SAMD13: variants seen among roughly 807,000 people sequenced by gnomAD.
SAMD13 encodes the protein sterile alpha motif domain-containing protein 13.
Under a neutral mutation model 12.4 loss-of-function variants are expected in SAMD13, and 9 were observed. The ratio of observed to expected loss-of-function variants is 0.72; its 90% CI spans 0.44 to 1.26. The LOEUF (loss-of-function observed/expected upper bound fraction) is 1.26, where lower values mean the gene tolerates loss of function less well. Ranked by LOEUF, SAMD13 falls within the 50% of genes most tolerant of loss-of-function variation. SAMD13 has a pLI of 0.00. For missense variants in SAMD13, 84 were observed against 119.6 expected (o/e 0.70, Z 1.39); for synonymous variants, 46 against 45.4 (o/e 1.01, Z -0.05).
chr1:84,303,875 A>G (rs1678503679), intron 2 of SAMD13: 1 of 152,258 alleles, frequency 6.6e-6, no homozygotes, highest in East Asian at 1.9e-4. Context: ...ATTATTTTAA[A>G]TGGGAAAATT....
intron 3 of SAMD13, among the ~76,000 whole-genome samples, chr1:84,338,702 T>G (rs1679356205): frequency 6.6e-6 from 1 of 152,104 alleles, no homozygotes; most frequent in Non-Finnish European, 1.5e-5. Context: ...CCTCCCAAAG[T>G]GCTGGGATTA....
intron 2 of SAMD13, among the ~76,000 whole-genome samples, chr1:84,314,137 C>T (rs1331723704): frequency 6.6e-6 from 1 of 152,028 alleles, no homozygotes; most frequent in Non-Finnish European, 1.5e-5. Flanking sequence ...TTGTATAAAA[C>T]ATTGTAGAAA....
intron 2 of SAMD13, 94 bp from the exon 3 acceptor site, chr1:84,325,543 C>A: frequency 1.4e-6 from 1 of 732,042 alleles, no homozygotes; most frequent in South Asian, 1.6e-5. Context: ...ACCCAAAAAA[C>A]ATGAAAGGCC....
intron 3 of SAMD13, among the ~76,000 whole-genome samples, chr1:84,345,891 A>T (rs906241624): frequency 2.6e-5 from 4 of 152,152 alleles, no homozygotes; most frequent in Non-Finnish European, 5.9e-5. Context: ...TTTTTTAGAG[A>T]TAGGGTCTCA....
chr1:84,320,483 T>G (rs1190057236), intron 2 of SAMD13, among the ~76,000 whole-genome samples: 1 of 152,232 alleles, frequency 6.6e-6, no homozygotes, highest in Non-Finnish European at 1.5e-5. Flanking sequence ...GGCCTGCCAT[T>G]TAGCCAGATC....
upstream of SAMD13, among the ~76,000 whole-genome samples, chr1:84,300,001 A>G (rs1169327013): frequency 6.6e-6 from 1 of 152,158 alleles, no homozygotes; most frequent in Non-Finnish European, 1.5e-5. Context: ...TTCCCCGTCA[A>G]GAGTGGAGAG....
chr1:84,348,050 G>C (rs1328544089), intron 3 of SAMD13, among the ~76,000 whole-genome samples: 3 of 152,164 alleles, frequency 2.0e-5, no homozygotes, highest in Non-Finnish European at 4.4e-5. Flanking sequence ...GTAATTCCTT[G>C]TTCTGCTCTG....
Position 84,321,485 on chromosome 1 carries a change from G to A in SAMD13, c.54-4152G>A, listed in dbSNP as rs1021400030. 4.6e-5 allele frequency among the ~76,000 whole-genome samples: 7 copies of A among 151,896 alleles called. No homozygotes were observed. In the East Asian group the frequency reaches 1.3e-3, roughly 29 times the overall value. ...GTGAATAATAAATATCAAATGAAAG[G>A]GGCACTTTTGTATTTGCCATTTCAT... is the stretch of plus-strand genomic sequence containing the variant. On this transcript the variant is annotated intron_variant, in intron 2 of 3. Transcript: ENST00000394834.
intron 3 of SAMD13, chr1:84,345,054 G>C: frequency 2.2e-6 from 1 of 456,656 alleles, no homozygotes; most frequent in Non-Finnish European, 4.4e-6. Flanking sequence ...ATTGGACACA[G>C]GATTTTCCAC....
intron 3 of SAMD13, among the ~76,000 whole-genome samples, chr1:84,337,332 C>T (rs1679321672): frequency 6.6e-6 from 1 of 152,222 alleles, no homozygotes; most frequent in Admixed American, 6.5e-5. Context: ...AAACTTCTGC[C>T]TGGACATCCA....
At chr1:84,333,190 G>T (rs1292390172) in intron 3 of SAMD13, among the ~76,000 whole-genome samples, 3 of 152,068 alleles carry the variant, frequency 2.0e-5, no homozygotes, top group Non-Finnish European at 2.9e-5. Context: ...TTCGCTGTTT[G>T]GGCTCTTTTT....
upstream of SAMD13, among the ~76,000 whole-genome samples, chr1:84,299,867 G>A (rs1305829115): frequency 6.6e-6 from 1 of 152,006 alleles, no homozygotes; most frequent in African/African-American, 2.4e-5. Flanking sequence ...ATCACAGCAG[G>A]CCAGATGGGA....
chr1:84,321,467 A>G (rs575131707), intron 2 of SAMD13, among the ~76,000 whole-genome samples: 128 of 152,320 alleles, frequency 8.4e-4, no homozygotes, highest in African/African-American at 3.1e-3. Flanking sequence ...TTAGTGAATA[A>G]TAAATATCAA....
chr1:84,325,663 A>G lies in SAMD13; in HGVS notation c.80A>G (p.Asp27Gly). ...TCCATGGAAAATGGGAGACCACCTG[A>G]TCCTGCAGACTGGGCCGTGATGGAT... ...KNSMENGRPP[D>G]PADWAVMDVV... Residue 27 changes from aspartate to glycine, a missense_variant, in exon 3 of 4, where the codon GAT becomes GGT. Asp to Gly is a moderately conservative substitution (Grantham distance 94). Transcript: ENST00000394834. The G allele has an allele frequency of 1.2e-6, 2 of 1,613,094 alleles. No individual in the cohort carries two copies. Among genetic ancestry groups the G allele is most frequent in the Non-Finnish European group, 1.7e-6 (2 of 1,179,230 alleles).
intron 3 of SAMD13, among the ~76,000 whole-genome samples, chr1:84,328,781 C>T (rs552228571): frequency 6.2e-4 from 94 of 152,280 alleles, no homozygotes; most frequent in African/African-American, 2.1e-3. Context: ...CATGGCCCTT[C>T]CAAGGTACAT....
intron 3 of SAMD13, among the ~76,000 whole-genome samples, chr1:84,340,708 C>T (rs1167000911): frequency 1.3e-5 from 2 of 152,200 alleles, no homozygotes; most frequent in Non-Finnish European, 2.9e-5. Context: ...ACAGGGTTCT[C>T]TTCCTCTGAG....
intron 1 of SAMD13, 110 bp from the exon 2 acceptor site, chr1:84,303,093 G>A: frequency 9.4e-6 from 7 of 744,494 alleles, no homozygotes; most frequent in South Asian, 4.9e-5. Flanking sequence ...ACAAACATAC[G>A]TGAACTGGTG....
intron 3 of SAMD13, among the ~76,000 whole-genome samples, chr1:84,334,527 T>C (rs1679255713): frequency 6.6e-6 from 1 of 152,130 alleles, no homozygotes; most frequent in Non-Finnish European, 1.5e-5. Context: ...TTGTTCATCT[T>C]TTATATGGTT....
intron 2 of SAMD13, among the ~76,000 whole-genome samples, chr1:84,309,060 TATAAATTAC>T (rs1678648676): frequency 6.6e-6 from 1 of 152,184 alleles, no homozygotes; most frequent in Non-Finnish European, 1.5e-5. Context: ...AGGAAACAGT[TATAAATTAC>T]AGAGTGAAAC....
Sources: gnomAD v4.1 joint callset for allele counts (sites outside exome capture counted in the v4.1 genomes callset) on GRCh38, gnomAD v4.1.1 for gene constraint, MANE v1.5 for transcripts, NCBI Gene and HGNC (gene_info 2026-07-23, HGNC 2026-07-21) for gene names.